Variants in TMEM132D observed in about 807,000 individuals in gnomAD.
The protein encoded by TMEM132D is transmembrane protein 132D.
TMEM132D carries 21 observed loss-of-function variants against 62.3 expected under a neutral mutation model. That is an observed-to-expected ratio of 0.34 (90% CI 0.24 to 0.49). The LOEUF is 0.49. TMEM132D is among the 20% of genes least tolerant of loss of function. The pLI is 0.99. For missense variants in TMEM132D, 1,346 were observed against 1,402.8 expected, an observed-to-expected ratio of 0.96 and a Z score of 0.65; for synonymous variants, 621 against 575.6, an observed-to-expected ratio of 1.08 and a Z score of -1.13.
At chr12:129,177,663 C>T (rs770107402) in intron 5 of TMEM132D, among the ~76,000 whole-genome samples, 3 of 152,052 alleles carry the variant, frequency 2.0e-5, no homozygotes, top group Non-Finnish European at 2.9e-5. Flanking sequence ...GAGGCTGAGG[C>T]GGGAGGATTG....
chr12:129,410,063 C>T (rs1388713127), intron 3 of TMEM132D, among the ~76,000 whole-genome samples: 2 of 152,200 alleles, frequency 1.3e-5, no homozygotes, highest in African/African-American at 4.8e-5. Context: ...CACTGCTACC[C>T]AGTGGAACTT....
At chr12:129,511,197 C>T (rs192229210) in intron 3 of TMEM132D, among the ~76,000 whole-genome samples, 12 of 152,322 alleles carry the variant, frequency 7.9e-5, no homozygotes, top group Non-Finnish European at 1.6e-4. Flanking sequence ...CCCTTCTCTT[C>T]TCTGGTCTCA....
chr12:129,582,158 T>A (rs1450436402), intron 2 of TMEM132D, among the ~76,000 whole-genome samples: 1 of 152,224 alleles, frequency 6.6e-6, no homozygotes, highest in Non-Finnish European at 1.5e-5. Context: ...CACATCACAG[T>A]CCACATGGCC....
chr12:129,594,205 C>G (rs553851394), intron 2 of TMEM132D, among the ~76,000 whole-genome samples: 5 of 152,270 alleles, frequency 3.3e-5, no homozygotes, highest in Admixed American at 3.3e-4. Context: ...GGGTTAAAAG[C>G]TTTTTAAAGC....
intron 4 of TMEM132D, among the ~76,000 whole-genome samples, chr12:129,317,927 A>G (rs1485472653): frequency 1.3e-5 from 2 of 152,158 alleles, no homozygotes; most frequent in African/African-American, 4.8e-5. Flanking sequence ...TACTTGTTCA[A>G]TTCTGTTGCT....
chr12:129,872,660 T>A (rs1417450729), intron 1 of TMEM132D, among the ~76,000 whole-genome samples: 1 of 152,216 alleles, frequency 6.6e-6, no homozygotes, highest in Non-Finnish European at 1.5e-5. Context: ...TGGTTAAATC[T>A]TTGGAGCGAA....
intron 2 of TMEM132D, among the ~76,000 whole-genome samples, chr12:129,693,955 C>G (rs2137219114): frequency 6.6e-6 from 1 of 152,316 alleles, no homozygotes; most frequent in Non-Finnish European, 1.5e-5. Flanking sequence ...ATGTAAGGCT[C>G]CCATAAAGGG....
intron 1 of TMEM132D, among the ~76,000 whole-genome samples, chr12:129,780,008 C>T (rs1167216439): frequency 1.3e-5 from 2 of 151,914 alleles, no homozygotes; most frequent in Non-Finnish European, 2.9e-5. Context: ...AGACTAACTG[C>T]CCCAGGTTTC....
In TMEM132D at chr12:129,280,791, CATCT is replaced by C. The variant is rs764352666; in HGVS notation, c.1299+56839_1299+56842del. On this transcript the variant is annotated intron_variant, in intron 4 of 8. Coordinates refer to ENST00000422113, the MANE Select transcript of TMEM132D (RefSeq NM_133448.3). ...TTATCTATTCATCCACCCATTTATT[CATCT>C]ATCTATCTTCTATTATCTGTCATAT... Among the ~76,000 whole-genome samples the C allele has an allele frequency of 9.2e-4, 140 of 152,116 alleles. 1 individual carries two copies. The highest frequency in any genetic ancestry group is 3.2e-3 in the African/African-American group (133 of 41,510).
At chr12:129,429,427 G>C (rs1872589322) in intron 3 of TMEM132D, among the ~76,000 whole-genome samples, 1 of 152,068 alleles carries the variant, frequency 6.6e-6, no homozygotes, top group Non-Finnish European at 1.5e-5. Context: ...TGGGATTTAG[G>C]GATGACTTCT....
intron 2 of TMEM132D, among the ~76,000 whole-genome samples, chr12:129,543,285 AGTGGGTGG>A (rs1239051230): frequency 1.7e-4 from 2 of 12,028 alleles, no homozygotes; most frequent in Non-Finnish European, 3.0e-4. Flanking sequence ...GGGGTGAGTA[AGTGGGTGG>A]GTGGGTGGGT....
At chr12:129,647,875 A>T (rs1462319987) in intron 2 of TMEM132D, among the ~76,000 whole-genome samples, 1 of 152,166 alleles carries the variant, frequency 6.6e-6, no homozygotes, top group Non-Finnish European at 1.5e-5. Context: ...TATGATGGGA[A>T]AAAAGATCTG....
intron 2 of TMEM132D, among the ~76,000 whole-genome samples, chr12:129,544,780 C>T (rs1010827705): frequency 6.6e-6 from 1 of 152,144 alleles, no homozygotes; most frequent in Non-Finnish European, 1.5e-5. Flanking sequence ...TGCTACCAGA[C>T]TTTGGGACAA....
At chr12:129,812,855 T>C (rs1872227756) in intron 1 of TMEM132D, among the ~76,000 whole-genome samples, 1 of 151,696 alleles carries the variant, frequency 6.6e-6, no homozygotes, top group Non-Finnish European at 1.5e-5. Flanking sequence ...CTTAAAACCA[T>C]CTACAAGTTG....
chr12:129,704,198 A>C (rs1881449580), intron 1 of TMEM132D, among the ~76,000 whole-genome samples: 1 of 152,240 alleles, frequency 6.6e-6, no homozygotes, highest in Non-Finnish European at 1.5e-5. Flanking sequence ...TTTATTTCCC[A>C]AATCTGGCAA....
At chr12:129,800,765 G>C (rs991447461) in intron 1 of TMEM132D, among the ~76,000 whole-genome samples, 1 of 152,142 alleles carries the variant, frequency 6.6e-6, no homozygotes. Context: ...CGAGAGCGAC[G>C]CAGAAGACGG....
At chr12:129,798,199 C>T (rs977150724) in intron 1 of TMEM132D, among the ~76,000 whole-genome samples, 2 of 152,140 alleles carry the variant, frequency 1.3e-5, no homozygotes, top group Admixed American at 6.5e-5. Context: ...CCTACAGAAC[C>T]GTGAGCCAAT....
intron 4 of TMEM132D, among the ~76,000 whole-genome samples, chr12:129,315,119 G>T: frequency 6.6e-6 from 1 of 152,050 alleles, no homozygotes; most frequent in Non-Finnish European, 1.5e-5. Flanking sequence ...CTTTTTACCA[G>T]TTGGATGCCC....
intron 4 of TMEM132D, among the ~76,000 whole-genome samples, chr12:129,311,216 A>G (rs1205134172): frequency 6.6e-5 from 6 of 90,698 alleles, no homozygotes; most frequent in African/African-American, 3.8e-4. Context: ...AAAAAAAAAA[A>G]AAAAAAAAAA....
Sources: allele counts gnomAD v4.1 joint callset (sites outside exome capture counted in the v4.1 genomes callset), GRCh38; gene constraint gnomAD v4.1.1; transcripts MANE v1.5; gene names NCBI Gene and HGNC (gene_info 2026-07-23, HGNC 2026-07-21).